Variants in SPIDR observed in about 807,000 individuals in gnomAD.
SPIDR encodes scaffold protein involved in DNA repair.
Under a neutral mutation model 104.6 loss-of-function variants are expected in SPIDR, and 93 were observed. That is an observed-to-expected ratio of 0.89 (90% CI 0.75 to 1.06). The LOEUF (loss-of-function observed/expected upper bound fraction) is 1.06, where lower values mean the gene tolerates loss of function less well. Ranked by LOEUF, SPIDR falls within the 50% of genes least tolerant of loss-of-function variation. The pLI is 0.00. For synonymous variants in SPIDR, 431 were observed against 416.9 expected, an observed-to-expected ratio of 1.03 and a Z score of -0.41; for missense variants, 1,154 against 1,111.2, an observed-to-expected ratio of 1.04 and a Z score of -0.55.
At chr8:47,568,969 GAT>G (rs2058210598) in intron 8 of SPIDR, among the ~76,000 whole-genome samples, 3 of 152,138 alleles carry the variant, frequency 2.0e-5, no homozygotes, top group Admixed American at 2.0e-4. Flanking sequence ...ACTATGAAAA[GAT>G]AGAGATTAGA....
At chr8:47,375,025 A>G (rs980187170) in intron 5 of SPIDR, among the ~76,000 whole-genome samples, 2 of 151,966 alleles carry the variant, frequency 1.3e-5, no homozygotes, top group African/African-American at 2.4e-5. Flanking sequence ...ACTGCACTCC[A>G]GCCTGGGCAA....
At chr8:47,594,090 T>A (rs986416233) in intron 8 of SPIDR, among the ~76,000 whole-genome samples, 2 of 144,344 alleles carry the variant, frequency 1.4e-5, no homozygotes, top group Non-Finnish European at 3.0e-5. Flanking sequence ...CCAGGCACGG[T>A]GGCTCACGCC....
rs780482953 is a variant in SPIDR, at chr8:47,673,940, A to G, written c.1684A>G (p.Arg562Gly). ...GGTTCTACAGAAAGTCACCAGAGGAAGGTGAGAACGTGCAGGAATGGCATC... is the reference window on the plus strand; with the variant it reads ...GGTTCTACAGAAAGTCACCAGAGGAGGGTGAGAACGTGCAGGAATGGCATC... ...MKVLQKVTRG[R>G]TAGIFSLIDT... The change falls in exon 11 of 20, where the codon AGG becomes GGG. Residue 562 changes from arginine (R) to glycine (G), a missense_variant and splice_region_variant. Arg to Gly is a moderately radical substitution (Grantham distance 125). Coordinates refer to ENST00000297423, the MANE Select transcript of SPIDR (RefSeq NM_001080394.4). 1.9e-6 allele frequency: 3 copies of G among 1,613,864 alleles called. No individual in the cohort carries two copies. Among genetic ancestry groups the G allele is most frequent in the Non-Finnish European group, 2.5e-6 (3 of 1,179,826 alleles).
intron 8 of SPIDR, among the ~76,000 whole-genome samples, chr8:47,594,716 G>A (rs890210838): frequency 1.3e-5 from 2 of 151,806 alleles, no homozygotes; most frequent in South Asian, 2.1e-4. Context: ...ACCCAGGGCC[G>A]GGCACAGTGG....
intron 5 of SPIDR, among the ~76,000 whole-genome samples, chr8:47,364,796 T>C (rs1224723996): frequency 2.0e-5 from 3 of 152,366 alleles, no homozygotes; most frequent in Admixed American, 6.5e-5. Flanking sequence ...ACCTTTTTTC[T>C]GAGTTTGTAA....
intron 8 of SPIDR, among the ~76,000 whole-genome samples, chr8:47,480,841 C>G (rs1030737836): frequency 5.9e-5 from 9 of 152,122 alleles, no homozygotes; most frequent in African/African-American, 1.9e-4. Flanking sequence ...ATGATTAAGC[C>G]CTACATTGGG....
intron 10 of SPIDR, among the ~76,000 whole-genome samples, chr8:47,662,178 T>C (rs995482004): frequency 2.0e-5 from 3 of 152,176 alleles, no homozygotes; most frequent in Non-Finnish European, 4.4e-5. Flanking sequence ...CTCGAATGCC[T>C]TCTCACATGC....
intron 8 of SPIDR, among the ~76,000 whole-genome samples, chr8:47,514,222 T>C (rs953141315): frequency 7.9e-5 from 12 of 152,196 alleles, no homozygotes; most frequent in Non-Finnish European, 1.6e-4. Flanking sequence ...AAGTTACTGA[T>C]TGAGGTTTTT....
chr8:47,550,956 T>G (rs902263429), intron 8 of SPIDR, among the ~76,000 whole-genome samples: 31 of 152,214 alleles, frequency 2.0e-4, no homozygotes, highest in African/African-American at 6.5e-4. Flanking sequence ...AGTACCTAAT[T>G]TATTGAGAGT....
intron 5 of SPIDR, among the ~76,000 whole-genome samples, chr8:47,358,238 A>G (rs2054965582): frequency 6.6e-6 from 1 of 151,782 alleles, no homozygotes; most frequent in African/African-American, 2.4e-5. Flanking sequence ...GACATGGCAC[A>G]CCACCGTAGC....
chr8:47,349,489 C>A (rs1401060635), intron 5 of SPIDR, among the ~76,000 whole-genome samples: 8 of 152,218 alleles, frequency 5.3e-5, no homozygotes, highest in Admixed American at 5.2e-4. Context: ...AGGAGAACCA[C>A]TGCTTTCTTC....
intron 10 of SPIDR, among the ~76,000 whole-genome samples, chr8:47,650,097 G>A (rs2071343218): frequency 6.6e-6 from 1 of 152,148 alleles, no homozygotes; most frequent in Non-Finnish European, 1.5e-5. Flanking sequence ...AGTACTGGGA[G>A]TGCTAGCCAG....
chr8:47,707,778 G>C (rs1449158151), intron 14 of SPIDR, among the ~76,000 whole-genome samples: 1 of 152,148 alleles, frequency 6.6e-6, no homozygotes, highest in African/African-American at 2.4e-5. Flanking sequence ...TTTTGTATAA[G>C]GTGTGTGGTT....
In SPIDR at chr8:47,440,430, TC is replaced by T; in HGVS notation, c.988del (p.Gln330LysfsTer11). On this transcript the variant is annotated frameshift_variant, in exon 8 of 20. Transcript: ENST00000297423. LOFTEE classifies it high-confidence loss of function. Reference sequence around the variant, plus strand: ...ATTGGGGTCACCAGCCACCAGCTCCTCCCAAAGTGTGGCTCCCAGGCCTGGA... The same window carrying T: ...ATTGGGGTCACCAGCCACCAGCTCCTCCAAAGTGTGGCTCCCAGGCCTGGA... Reference protein sequence around the residue: ...QLLGSPATSSSQSVAPRPGAG... With the variant: ...QLLGSPATSSXQSVAPRPGAG... The T allele has an allele frequency of 6.2e-7, 1 of 1,614,220 alleles. No homozygotes were observed. The highest frequency in any genetic ancestry group is 8.5e-7 in the Non-Finnish European group (1 of 1,180,026).
In SPIDR at chr8:47,564,072, C is replaced by CTTTTTTTTTTTTT. The variant is rs869220760; in HGVS notation, c.1098-31726_1098-31714dup. 2.1e-3 allele frequency among the ~76,000 whole-genome samples: 165 copies of CTTTTTTTTTTTTT among 76,836 alleles called. 1 individual carries two copies. Among genetic ancestry groups the CTTTTTTTTTTTTT allele is most frequent in the Admixed American group, 6.0e-3 (28 of 4,688 alleles). The allele number at this position is 76,836 out of a possible 152,430, so 50.4% of individuals were successfully genotyped here. A position where few individuals can be genotyped will look rare whatever the true frequency, so the allele number is the denominator to read the frequency against. ...TAAATATTTGCTTCTTTTTTCTTTT[C>CTTTTTTTTTTTTT]TTTTTTTTTTTTTTTTTTTTTTTTT... is the stretch of plus-strand genomic sequence containing the variant. On this transcript the variant is annotated intron_variant, in intron 8 of 19. Coordinates refer to ENST00000297423, the MANE Select transcript of SPIDR (RefSeq NM_001080394.4).
chr8:47,295,489 A>C (rs1472248212), intron 5 of SPIDR, among the ~76,000 whole-genome samples: 1 of 152,094 alleles, frequency 6.6e-6, no homozygotes, highest in African/African-American at 2.4e-5. Context: ...TCTGGTAATC[A>C]ACATTCTACC....
chr8:47,313,279 A>C (rs1180809146), intron 5 of SPIDR, among the ~76,000 whole-genome samples: 1 of 152,212 alleles, frequency 6.6e-6, no homozygotes, highest in Non-Finnish European at 1.5e-5. Context: ...AGACAAACAG[A>C]GAGCCAAATC....
chr8:47,699,835 A>G (rs570076509), intron 11 of SPIDR, among the ~76,000 whole-genome samples: 1 of 152,362 alleles, frequency 6.6e-6, no homozygotes, highest in Admixed American at 6.5e-5. Flanking sequence ...GATTATAGGC[A>G]TGAGCCACCG....
intron 7 of SPIDR, among the ~76,000 whole-genome samples, chr8:47,416,832 G>A (rs1038943368): frequency 6.6e-6 from 1 of 151,678 alleles, no homozygotes; most frequent in Non-Finnish European, 1.5e-5. Context: ...GTGTCCATGT[G>A]TTCTCATTGT....
Sources: allele counts gnomAD v4.1 joint callset (sites outside exome capture counted in the v4.1 genomes callset), GRCh38; gene constraint gnomAD v4.1.1; transcripts MANE v1.5; gene names NCBI Gene and HGNC (gene_info 2026-07-23, HGNC 2026-07-21).